Variants in VSIG10 observed in about 807,000 individuals in gnomAD.
The protein encoded by VSIG10 is V-set and immunoglobulin domain-containing protein 10.
In VSIG10, 48 loss-of-function variants were observed where a neutral mutation model predicts 58.7. The ratio of observed to expected loss-of-function variants is 0.82; its 90% CI spans 0.65 to 1.04. The LOEUF is 1.04. VSIG10 is among the 50% of genes least tolerant of loss of function. The pLI is 0.00. For missense variants in VSIG10, 628 were observed against 670.0 expected, an observed-to-expected ratio of 0.94 and a Z score of 0.69; for synonymous variants, 260 against 267.1, an observed-to-expected ratio of 0.97 and a Z score of 0.26.
intron 2 of VSIG10, among the ~76,000 whole-genome samples, chr12:118,095,242 C>T (rs2033413616): frequency 2.0e-5 from 3 of 152,002 alleles, no homozygotes; most frequent in South Asian, 4.2e-4. Context: ...GGTTTCACCA[C>T]GTTGGCCAGG....
rs1306912471 is a variant in VSIG10, at chr12:118,064,482, T to A, written c.*2157A>T. 3 of 152,140 alleles carry A rather than the reference T, an allele frequency of 2.0e-5. No homozygotes were observed. The highest frequency in any genetic ancestry group is 2.0e-4 in the Admixed American group (3 of 15,254). 9.4% of individuals were successfully genotyped at this position (152,140 alleles called of 1,614,324 possible). On this transcript the variant is annotated 3_prime_UTR_variant, in exon 9 of 9. Transcript: ENST00000359236. Reference sequence around the variant, plus strand: ...CAACAGTTTTTGTGTTTTCTTTTTTTAATCTTGTTGCCTCTGAGTAGTAGA... The same window carrying A: ...CAACAGTTTTTGTGTTTTCTTTTTTAAATCTTGTTGCCTCTGAGTAGTAGA...
intron 7 of VSIG10, among the ~76,000 whole-genome samples, chr12:118,070,695 A>G (rs2032456307): frequency 6.6e-6 from 1 of 152,200 alleles, no homozygotes; most frequent in Non-Finnish European, 1.5e-5. Flanking sequence ...TGTCTCAATG[A>G]CAGACCTGCA....
intron 2 of VSIG10, among the ~76,000 whole-genome samples, chr12:118,088,417 G>A (rs1040704292): frequency 4.6e-5 from 7 of 151,910 alleles, no homozygotes; most frequent in Admixed American, 1.3e-4. Context: ...TCCTTCCACC[G>A]TTACCCTCAA....
Position 118,066,383 on chromosome 12 carries a change from C to T in VSIG10, c.*256G>A, listed in dbSNP as rs754565440. On this transcript the variant is annotated 3_prime_UTR_variant, in exon 9 of 9. Transcript: ENST00000359236. ...GCCAGGATTCACAGCAGAAGTGGCA[C>T]CTCAGACACCAAAGCAGCTTTCCTT... is the stretch of plus-strand genomic sequence containing the variant. 3.7e-5 allele frequency: 20 copies of T among 535,838 alleles called. No homozygotes were observed. The Middle Eastern group carries it at 1.5e-3, about 42-fold the overall frequency. 33.2% of individuals were successfully genotyped at this position (535,838 alleles called of 1,614,324 possible).
At position 118,103,745 on chromosome 12, in the gene VSIG10, C is replaced by T. The variant is rs368150116; in HGVS notation, c.-74G>A. ...CGTGTGTGCCCCAGGGCCCCGGGGC[C>T]CGGGGTACCGAGGGCTCCTCCCAGG... On this transcript the variant is annotated 5_prime_UTR_variant, in exon 1 of 9. Coordinates refer to ENST00000359236, the MANE Select transcript of VSIG10 (RefSeq NM_019086.6). The T allele has an allele frequency of 1.5e-6, 2 of 1,352,236 alleles. No individual in the cohort carries two copies. The highest frequency in any genetic ancestry group is 3.3e-5 in the South Asian group (2 of 60,700). 83.8% of individuals were successfully genotyped at this position (1,352,236 alleles called of 1,614,324 possible). A position where few individuals can be genotyped will look rare whatever the true frequency, so the allele number is the denominator to read the frequency against.
In VSIG10 at chr12:118,095,492, C is replaced by T. The variant is rs145900002; in HGVS notation, c.361+41G>A. On this transcript the variant is annotated intron_variant, in intron 2 of 8. Coordinates refer to ENST00000359236, the MANE Select transcript of VSIG10 (RefSeq NM_019086.6). ...CATGGTCTCCTCCTTTCCAAGGCTC[C>T]GAGCACCTCTCCAGCCCCGGTCCCT... 672 of 1,607,462 alleles carry T rather than the reference C, an allele frequency of 4.2e-4. 3 individuals are homozygous for T. The African/African-American group carries it at 7.1e-3, about 17-fold the overall frequency.
intron 1 of VSIG10, 65 bp from the exon 2 acceptor site, chr12:118,095,879 C>T: frequency 7.4e-7 from 1 of 1,356,544 alleles, no homozygotes; most frequent in Non-Finnish European, 1.0e-6. Flanking sequence ...CCTTTTTGGA[C>T]AGTACTCCTG....
chr12:118,071,476 A>G lies in VSIG10; in HGVS notation c.1220-7T>C, dbSNP rs115659755. On this transcript the variant is annotated splice_polypyrimidine_tract_variant and splice_region_variant and intron_variant, in intron 5 of 8. Coordinates refer to ENST00000359236, the MANE Select transcript of VSIG10 (RefSeq NM_019086.6). ...CCCCCGATATTTAAAGGTTCTGTAA[A>G]GACAAATCACACCATTGATTCTTCC... is the stretch of plus-strand genomic sequence containing the variant. 3 of 1,611,512 alleles carry G rather than the reference A, an allele frequency of 1.9e-6. No individual in the cohort carries two copies. In the African/African-American group the frequency reaches 4.0e-5, roughly 21 times the overall value.
chr12:118,083,702 G>A (rs1224261483), intron 2 of VSIG10, among the ~76,000 whole-genome samples: 1 of 152,166 alleles, frequency 6.6e-6, no homozygotes, highest in Non-Finnish European at 1.5e-5. Flanking sequence ...TTTTAGTAGA[G>A]ACAGGATTTT....
At chr12:118,083,395 T>G (rs2033026976) in intron 2 of VSIG10, among the ~76,000 whole-genome samples, 1 of 151,982 alleles carries the variant, frequency 6.6e-6, no homozygotes, top group East Asian at 2.0e-4. Context: ...CTGGCTAACA[T>G]GACTAAATCA....
chr12:118,100,881 C>T (rs1036430525), intron 1 of VSIG10, among the ~76,000 whole-genome samples: 2 of 152,212 alleles, frequency 1.3e-5, no homozygotes, highest in Non-Finnish European at 2.9e-5. Flanking sequence ...CCAGTGGCAA[C>T]CGCCACAATG....
At chr12:118,073,406 G>A (rs1262718974) in intron 5 of VSIG10, among the ~76,000 whole-genome samples, 2 of 152,194 alleles carry the variant, frequency 1.3e-5, no homozygotes, top group Non-Finnish European at 2.9e-5. Context: ...TCAGTGGGAT[G>A]ATAGTTTCTT....
chr12:118,078,803 A>G (rs970403915), intron 4 of VSIG10, among the ~76,000 whole-genome samples: 5 of 151,606 alleles, frequency 3.3e-5, no homozygotes, highest in African/African-American at 7.3e-5. Flanking sequence ...GCTGGGCATG[A>G]TGGTGCACGC....
chr12:118,067,099 A>C (rs981694987), intron 8 of VSIG10, among the ~76,000 whole-genome samples: 25 of 151,882 alleles, frequency 1.6e-4, no homozygotes, highest in African/African-American at 4.6e-4. Flanking sequence ...ATCTCATCTC[A>C]CTGCAGCCTC....
intron 2 of VSIG10, among the ~76,000 whole-genome samples, chr12:118,088,633 A>T (rs920899408): frequency 2.0e-4 from 30 of 152,206 alleles, no homozygotes; most frequent in African/African-American, 7.0e-4. Context: ...CAGAGATGTC[A>T]CGCCCTCCCC....
chr12:118,096,072 C>A, intron 1 of VSIG10, among the ~76,000 whole-genome samples: 1 of 152,004 alleles, frequency 6.6e-6, no homozygotes, highest in East Asian at 2.0e-4. Flanking sequence ...ATTACAGGCA[C>A]GTGCCACCAC....
chr12:118,103,228 T>C (rs2033663700), intron 1 of VSIG10: 1 of 187,046 alleles, frequency 5.3e-6, no homozygotes. Context: ...CACCAGCGTA[T>C]CAGTTACTAC....
At chr12:118,098,219 T>G (rs946673479) in intron 1 of VSIG10, among the ~76,000 whole-genome samples, 6 of 151,986 alleles carry the variant, frequency 3.9e-5, no homozygotes, top group Non-Finnish European at 8.8e-5. Context: ...ACTGTCCCAC[T>G]GCTCTCTCTG....
chr12:118,082,255 T>A lies in VSIG10; in HGVS notation c.536A>T (p.His179Leu). ...TGAGAAAAAGTTGACTGTCAGGTTG[T>A]GGCCAAAGGACTCGCTGCTGGAATT... ...ALNSSSESFG[H>L]NLTVNFFSLL... The change falls in exon 3 of 9, where the codon CAC (histidine) becomes CTC (leucine). Residue 179 changes from histidine (H) to leucine (L), a missense_variant. Physicochemically the swap from His to Leu is moderately conservative, Grantham distance 99. Transcript: ENST00000359236. 1 of 1,614,002 alleles carries A rather than the reference T, an allele frequency of 6.2e-7. No homozygotes were observed.
Sources: gnomAD v4.1 joint callset for allele counts (sites outside exome capture counted in the v4.1 genomes callset) on GRCh38, gnomAD v4.1.1 for gene constraint, MANE v1.5 for transcripts, NCBI Gene and HGNC (gene_info 2026-07-23, HGNC 2026-07-21) for gene names.